TAF1: variants seen among roughly 807,000 people sequenced by gnomAD.
TAF1 encodes the protein TATA-box binding protein associated factor 1.
A neutral mutation model predicts 138.5 loss-of-function variants in TAF1; 2 were observed. The observed-to-expected ratio is 0.01, with a 90% CI of 0.01 to 0.05. The LOEUF (loss-of-function observed/expected upper bound fraction) is 0.05, where lower values mean the gene tolerates loss of function less well. TAF1 is among the 10% of genes least tolerant of loss of function. The pLI, the probability that TAF1 is intolerant of heterozygous loss-of-function variation, is 1.00. For synonymous variants in TAF1, 437 were observed against 503.2 expected, an observed-to-expected ratio of 0.87 and a Z score of 1.76; for missense variants, 709 against 1,478.0, an observed-to-expected ratio of 0.48 and a Z score of 8.53.
chrX:71,469,079 G>A (rs889353137), downstream of TAF1, among the ~76,000 whole-genome samples: 1 of 112,660 alleles, frequency 8.9e-6, no homozygotes, highest in African/African-American at 3.2e-5. Flanking sequence ...AAGGCGGGAG[G>A]ATGGCTTGAG....
intron 13 of TAF1, among the ~76,000 whole-genome samples, chrX:71,471,275 A>G (rs141002075): frequency 0.019 from 1,954 of 103,918 alleles, 60 homozygotes; most frequent in African/African-American, 0.066. Context: ...CCGAGATCAC[A>G]CCACTGCACT....
At chrX:71,529,078 G>GC (rs1331997695) in intron 14 of TAF1, among the ~76,000 whole-genome samples, 1 of 95,083 alleles carries the variant, frequency 1.1e-5, no homozygotes, top group Non-Finnish European at 2.1e-5. Context: ...TTTTGTTTTT[G>GC]TTTTTTTTTT....
intron 28 of TAF1, among the ~76,000 whole-genome samples, chrX:71,419,669 G>A (rs2036224794): frequency 9.0e-6 from 1 of 111,620 alleles, no homozygotes; most frequent in African/African-American, 3.3e-5. Context: ...GTTAGAAGAC[G>A]GAGGGAAGGT....
chrX:71,506,037 TAA>T (rs1474873026), intron 13 of TAF1, among the ~76,000 whole-genome samples: 2 of 100,487 alleles, frequency 2.0e-5, no homozygotes, highest in Non-Finnish European at 4.0e-5. Flanking sequence ...ATAATAATAA[TAA>T]TTTTTAAAAA....
chrX:71,489,753 G>A (rs1008170543), intron 13 of TAF1, among the ~76,000 whole-genome samples: 2 of 112,116 alleles, frequency 1.8e-5, no homozygotes, highest in African/African-American at 6.5e-5. Context: ...AACTAAGTGG[G>A]AACAGAGCTG....
At chrX:71,524,426 A>G (rs1347450150) in intron 13 of TAF1, among the ~76,000 whole-genome samples, 6 of 111,595 alleles carry the variant, frequency 5.4e-5, no homozygotes, top group Non-Finnish European at 1.1e-4. Context: ...ATGAATCTTC[A>G]TTAACAAGGT....
At chrX:71,517,176 C>G (rs2039840077) in intron 13 of TAF1, among the ~76,000 whole-genome samples, 1 of 110,370 alleles carries the variant, frequency 9.1e-6, no homozygotes, top group Non-Finnish European at 1.9e-5. Context: ...AAGGTGGTTA[C>G]CAGAGGCTGG....
At chrX:71,505,912 C>T (rs1338928776) in intron 13 of TAF1, among the ~76,000 whole-genome samples, 1 of 110,739 alleles carries the variant, frequency 9.0e-6, no homozygotes, top group Non-Finnish European at 1.9e-5. Context: ...CCCAGCTACT[C>T]GGGAGGCTGA....
intron 3 of TAF1, among the ~76,000 whole-genome samples, chrX:71,370,147 C>T (rs1419760150): frequency 8.9e-6 from 1 of 111,745 alleles, no homozygotes; most frequent in East Asian, 2.9e-4. Context: ...ATGGCTGGAA[C>T]CCAGGAGGGG....
intron 32 of TAF1, among the ~76,000 whole-genome samples, chrX:71,435,843 T>C (rs977530499): frequency 2.7e-5 from 3 of 110,494 alleles, no homozygotes; most frequent in South Asian, 3.9e-4. Context: ...AGATCTTCCC[T>C]ACCCCCAAGA....
chrX:71,518,841 G>A (rs1470011269), intron 13 of TAF1, among the ~76,000 whole-genome samples: 9 of 105,355 alleles, frequency 8.5e-5, no homozygotes, highest in African/African-American at 2.1e-4. Context: ...AACTACAGGC[G>A]CGTGCCACCA....
Position 71,500,012 on chromosome X carries a change from C to T in TAF1, c.1367-28530C>T, listed in dbSNP as rs1204462754. 3.6e-5 allele frequency among the ~76,000 whole-genome samples: 4 copies of T among 111,008 alleles called. No individual in the cohort carries two copies. The Admixed American group carries it at 3.9e-4, about 11-fold the overall frequency. ...CGGGTTGGGCAAAATTCCCCTCCTC[C>T]TACAGCTTGAAGGGGACATAACCGA... On this transcript the variant is annotated intron_variant and NMD_transcript_variant, in intron 13 of 14. Coordinates refer to the TAF1 transcript ENST00000373775.
chrX:71,516,730 A>G (rs1312804692), intron 13 of TAF1, among the ~76,000 whole-genome samples: 1 of 107,069 alleles, frequency 9.3e-6, no homozygotes. Context: ...TTTGAGATGC[A>G]GTCTCTCTCT....
At chrX:71,456,701 G>GTTTT (rs2038316350) in intron 34 of TAF1, among the ~76,000 whole-genome samples, 6 of 44,327 alleles carry the variant, frequency 1.4e-4, no homozygotes, top group Non-Finnish European at 1.9e-4. Flanking sequence ...TTGAGACCGA[G>GTTTT]TTTTGCTCTT....
chrX:71,470,856 T>TA (rs1382841759), downstream of TAF1, among the ~76,000 whole-genome samples: 1 of 105,851 alleles, frequency 9.4e-6, no homozygotes, highest in Non-Finnish European at 1.9e-5. Context: ...TAAAATAAAA[T>TA]AAATAAAATA....
At position 71,383,942 on chromosome X, in the gene TAF1, AT is replaced by A. The variant is rs1425869938; in HGVS notation, c.1948-16del. ...AGTGTCCTGTCAGGAGCTAGATGGT[AT>A]TTTCTTTGTTCTGGACAGATGAGAG... On this transcript the variant is annotated intron_variant, in intron 12 of 37. Transcript: ENST00000423759. 1 of 1,202,746 alleles carries A rather than the reference AT, an allele frequency of 8.3e-7. No homozygotes were observed. Among genetic ancestry groups the A allele is most frequent in the Non-Finnish European group, 1.1e-6 (1 of 891,281 alleles).
At chrX:71,406,916 ATT>A (rs878982877) in intron 26 of TAF1, among the ~76,000 whole-genome samples, 170 bp downstream of exon 26, 3 of 95,583 alleles carry the variant, frequency 3.1e-5, no homozygotes, top group South Asian at 4.6e-4. Context: ...GAGAAAGTGG[ATT>A]TTTTTTTTTT....
intron 24 of TAF1, among the ~76,000 whole-genome samples, chrX:71,399,674 C>T (rs1203719965): frequency 6.6e-5 from 7 of 106,842 alleles, no homozygotes; most frequent in South Asian, 8.3e-4. Context: ...TGGGTTCCAG[C>T]GATTCTTGCG....
At chrX:71,419,505 A>G (rs1370808380) in intron 28 of TAF1, among the ~76,000 whole-genome samples, 3 of 110,331 alleles carry the variant, frequency 2.7e-5, no homozygotes, top group African/African-American at 9.8e-5. Context: ...GGCTACAGAA[A>G]CCTGCAAAGA....
Sources: allele counts gnomAD v4.1 joint callset (sites outside exome capture counted in the v4.1 genomes callset), GRCh38; gene constraint gnomAD v4.1.1; transcripts MANE v1.5; gene names NCBI Gene and HGNC (gene_info 2026-07-23, HGNC 2026-07-21).